Variants in LRP1B observed in about 807,000 individuals in gnomAD.
The protein encoded by LRP1B is low-density lipoprotein receptor-related protein 1B.
LRP1B carries 217 observed loss-of-function variants against 556.6 expected under a neutral mutation model. That is an observed-to-expected ratio of 0.39 (90% CI 0.35 to 0.44). The LOEUF (loss-of-function observed/expected upper bound fraction) is 0.44. Among genes scored for constraint, LRP1B ranks in the 20% least tolerant of loss-of-function variants. LRP1B has a pLI of 1.00. For synonymous variants in LRP1B, 2,047 were observed against 1,865.8 expected, an observed-to-expected ratio of 1.10 and a Z score of -2.50; for missense variants, 5,053 against 5,620.8, an observed-to-expected ratio of 0.90 and a Z score of 3.23.
chr2:141,585,885 C>CA (rs1687119602), intron 2 of LRP1B, among the ~76,000 whole-genome samples: 1 of 144,236 alleles, frequency 6.9e-6, no homozygotes, highest in African/African-American at 2.5e-5. Context: ...TACAGGTGCA[C>CA]TTTTTTTTTT....
intron 41 of LRP1B, among the ~76,000 whole-genome samples, chr2:140,621,278 C>T (rs879457164): frequency 2.8e-4 from 41 of 147,736 alleles, no homozygotes; most frequent in Non-Finnish European, 5.0e-4. Flanking sequence ...CCCAGGTACT[C>T]TGGAGGCTGA....
intron 2 of LRP1B, among the ~76,000 whole-genome samples, chr2:141,514,248 C>G (rs1481010747): frequency 6.6e-6 from 1 of 152,172 alleles, no homozygotes; most frequent in Non-Finnish European, 1.5e-5. Context: ...CTAAACCTAC[C>G]AGTTGGAACT....
intron 66 of LRP1B, among the ~76,000 whole-genome samples, chr2:140,413,046 G>A (rs188367115): frequency 7.2e-5 from 11 of 152,084 alleles, no homozygotes; most frequent in East Asian, 1.9e-4. Flanking sequence ...ACAAAATATC[G>A]TAATAAAAAT....
chr2:142,077,506 A>G (rs1175084202), intron 1 of LRP1B, among the ~76,000 whole-genome samples: 2 of 152,168 alleles, frequency 1.3e-5, no homozygotes, highest in African/African-American at 2.4e-5. Flanking sequence ...GAAAAAAGTT[A>G]TATTTATGAA....
chr2:140,774,572 CCTCT>C (rs997134211), intron 33 of LRP1B, among the ~76,000 whole-genome samples: 1 of 151,674 alleles, frequency 6.6e-6, no homozygotes, highest in South Asian at 2.1e-4. Context: ...GCACACCTTC[CCTCT>C]CTCTGTCATA....
chr2:141,518,881 C>T (rs1391742976), intron 2 of LRP1B, among the ~76,000 whole-genome samples: 1 of 152,092 alleles, frequency 6.6e-6, no homozygotes, highest in East Asian at 1.9e-4. Context: ...ACCTGGGAGG[C>T]GGAGGCTGCA....
chr2:142,069,871 T>C (rs1705248218), intron 1 of LRP1B, among the ~76,000 whole-genome samples: 1 of 151,836 alleles, frequency 6.6e-6, no homozygotes, highest in Admixed American at 6.6e-5. Context: ...TCAACATGTT[T>C]GCTTTACAGA....
intron 2 of LRP1B, among the ~76,000 whole-genome samples, chr2:141,496,951 T>C (rs1683531470): frequency 6.6e-6 from 1 of 152,056 alleles, no homozygotes; most frequent in Non-Finnish European, 1.5e-5. Flanking sequence ...GATCATATGA[T>C]GTCATATCTG....
At chr2:141,480,567 T>C (rs2105090586) in intron 2 of LRP1B, 34 bp from the exon 3 acceptor site, 1 of 1,610,118 alleles carries the variant, frequency 6.2e-7, no homozygotes. Flanking sequence ...GAATTATGTG[T>C]TAGCTTTTCT....
At chr2:141,068,360 C>A (rs1307753000) in intron 7 of LRP1B, among the ~76,000 whole-genome samples, 5 of 151,874 alleles carry the variant, frequency 3.3e-5, no homozygotes, top group South Asian at 4.2e-4. Context: ...TGGCCCACAA[C>A]AGAGTGCACA....
chr2:140,273,110 C>T (rs1044010194), intron 85 of LRP1B, among the ~76,000 whole-genome samples: 1 of 151,980 alleles, frequency 6.6e-6, no homozygotes, highest in Middle Eastern at 3.4e-3. Flanking sequence ...GGGTAGGAAA[C>T]TTTGGCTCAC....
intron 31 of LRP1B, among the ~76,000 whole-genome samples, chr2:140,815,553 T>A (rs2105041505): frequency 6.6e-6 from 1 of 152,226 alleles, no homozygotes; most frequent in African/African-American, 2.4e-5. Context: ...AGTCAGGACA[T>A]GTGTGGAATG....
rs575069997 is a variant in LRP1B at position 140,846,327 on chromosome 2, G to A, written c.4939+3775C>T. Among the ~76,000 whole-genome samples the A allele has an allele frequency of 3.2e-4, 48 of 152,244 alleles. 2 individuals are homozygous for A. The highest frequency in any genetic ancestry group is 2.6e-3 in the Admixed American group (39 of 15,282). On this transcript the variant is annotated intron_variant, in intron 29 of 90. Transcript: ENST00000389484. Reference sequence around the variant, plus strand: ...AGAACAGCTTGGTGTTTCAGGACATGTAGAATGAAAAGGCTGGCAAACTAT... The same window carrying A: ...AGAACAGCTTGGTGTTTCAGGACATATAGAATGAAAAGGCTGGCAAACTAT...
chr2:140,291,053 G>T (rs1558775500), intron 84 of LRP1B, among the ~76,000 whole-genome samples: 1 of 151,748 alleles, frequency 6.6e-6, no homozygotes, highest in African/African-American at 2.4e-5. Context: ...TCACATATTA[G>T]ATAAAATAAT....
intron 12 of LRP1B, among the ~76,000 whole-genome samples, chr2:141,016,518 A>G (rs1697905740): frequency 6.6e-6 from 1 of 152,078 alleles, no homozygotes; most frequent in African/African-American, 2.4e-5. Context: ...TATTACCCCA[A>G]AATCTACAGA....
Position 140,776,093 on chromosome 2 carries a change from T to C in LRP1B, c.5500+5A>G, listed in dbSNP as rs996361. 0.87 allele frequency: 1,356,951 copies of C among 1,553,362 alleles called. 594,203 individuals are homozygous for C. The highest frequency in any genetic ancestry group is 1 in the East Asian group (40,518 of 40,542). ...ACCTGGCACAAATTCATTAGTGTGA[T>C]TTACCTTGCTGTGCTTCTTTATCAT... On this transcript the variant is annotated splice_donor_5th_base_variant and intron_variant, in intron 33 of 90. Transcript: ENST00000389484.
At chr2:141,275,768 A>G (rs555040965) in intron 3 of LRP1B, among the ~76,000 whole-genome samples, 341 of 152,300 alleles carry the variant, frequency 2.2e-3, no homozygotes, top group Non-Finnish European at 3.5e-3. Flanking sequence ...AAATATGCAG[A>G]CTAAAACACA....
intron 43 of LRP1B, among the ~76,000 whole-genome samples, chr2:140,590,170 A>G (rs1682158366): frequency 6.6e-6 from 1 of 151,360 alleles, no homozygotes; most frequent in African/African-American, 2.4e-5. Flanking sequence ...GCACACAGGT[A>G]AAAACAAATC....
chr2:142,081,773 C>T (rs1222202675), intron 1 of LRP1B, among the ~76,000 whole-genome samples: 1 of 152,090 alleles, frequency 6.6e-6, no homozygotes, highest in Non-Finnish European at 1.5e-5. Context: ...ACCACCATGC[C>T]CAGCTATTTT....
Sources: gnomAD v4.1 joint callset for allele counts (sites outside exome capture counted in the v4.1 genomes callset) on GRCh38, gnomAD v4.1.1 for gene constraint, MANE v1.5 for transcripts, NCBI Gene and HGNC (gene_info 2026-07-23, HGNC 2026-07-21) for gene names.